Variants in ATP2B3 observed in about 807,000 individuals in gnomAD.
ATP2B3 encodes the protein ATPase plasma membrane Ca2+ transporting 3.
In ATP2B3, 12 loss-of-function variants were observed where a neutral mutation model predicts 70.8. The ratio of observed to expected loss-of-function variants is 0.17; its 90% CI spans 0.11 to 0.27. ATP2B3 has a LOEUF of 0.27. ATP2B3 is among the 10% of genes least tolerant of loss of function. ATP2B3 has a pLI of 1.00. For synonymous variants in ATP2B3, 460 were observed against 497.8 expected (o/e 0.92, Z 1.01); for missense variants, 858 against 1,118.5 (o/e 0.77, Z 3.32).
intron 7 of ATP2B3, among the ~76,000 whole-genome samples, chrX:153,545,421 A>G (rs1410662128): frequency 8.8e-6 from 1 of 113,048 alleles, no homozygotes; most frequent in African/African-American, 3.2e-5. Flanking sequence ...CTGTAATCCC[A>G]ACACTTTGAG....
intron 16 of ATP2B3, 141 bp downstream of exon 16, chrX:153,557,164 T>C (rs1221318162): frequency 3.3e-6 from 2 of 602,698 alleles, no homozygotes; most frequent in Non-Finnish European, 5.2e-6. Context: ...TTTCACATCC[T>C]GGCCACTTGG....
At chrX:153,558,690 G>A (rs2090579220) in intron 17 of ATP2B3, among the ~76,000 whole-genome samples, 3 of 112,276 alleles carry the variant, frequency 2.7e-5, no homozygotes, top group African/African-American at 9.7e-5. Flanking sequence ...GTGGCCTCTT[G>A]TGTCTGGCAT....
chrX:153,551,182 C>T (rs1355740358), intron 12 of ATP2B3, among the ~76,000 whole-genome samples: 3 of 112,436 alleles, frequency 2.7e-5, no homozygotes, highest in Admixed American at 9.4e-5. Context: ...TTCCCACCAG[C>T]GACATAGGAG....
chrX:153,526,954 G>A (rs1394226618), intron 2 of ATP2B3, among the ~76,000 whole-genome samples: 1 of 112,027 alleles, frequency 8.9e-6, no homozygotes, highest in Non-Finnish European at 1.9e-5. Flanking sequence ...TTCCTAATGG[G>A]GCCCCATGGG....
intron 3 of ATP2B3, among the ~76,000 whole-genome samples, chrX:153,540,017 T>C (rs1397389728): frequency 2.7e-5 from 3 of 112,646 alleles, no homozygotes; most frequent in Admixed American, 9.3e-5. Flanking sequence ...CAAGTCGCCA[T>C]GTAGACAAGC....
intron 2 of ATP2B3, among the ~76,000 whole-genome samples, chrX:153,532,442 G>A (rs1190299888): frequency 8.9e-6 from 1 of 112,343 alleles, no homozygotes; most frequent in East Asian, 2.8e-4. Flanking sequence ...CACTGGGTGG[G>A]GAGTAGGCAC....
chrX:153,579,325 A>G (rs918681301), intron 21 of ATP2B3, among the ~76,000 whole-genome samples: 7 of 112,394 alleles, frequency 6.2e-5, no homozygotes, highest in Non-Finnish European at 9.4e-5. Flanking sequence ...TGGCCAGTGG[A>G]GTTAGCCGCA....
chrX:153,533,476 A>T (rs2090146815), intron 2 of ATP2B3, among the ~76,000 whole-genome samples: 1 of 110,729 alleles, frequency 9.0e-6, no homozygotes, highest in Non-Finnish European at 1.9e-5. Context: ...CTCAGAAGGA[A>T]TCTGGCCTTT....
At chrX:153,577,705 G>A (rs188840434) in intron 21 of ATP2B3, among the ~76,000 whole-genome samples, 2,089 of 112,479 alleles carry the variant, frequency 0.019, 25 homozygotes, top group South Asian at 0.042. Flanking sequence ...TGGCTTTCCC[G>A]AATGCAGAGA....
At chrX:153,568,945 A>G (rs1840204344) in intron 21 of ATP2B3, among the ~76,000 whole-genome samples, 1 of 112,931 alleles carries the variant, frequency 8.9e-6, no homozygotes, top group African/African-American at 3.2e-5. Context: ...GGAAATCCAA[A>G]GACACTGGGT....
intron 2 of ATP2B3, among the ~76,000 whole-genome samples, chrX:153,520,278 G>A (rs782282792): frequency 3.5e-5 from 4 of 112,796 alleles, no homozygotes; most frequent in Admixed American, 9.3e-5. Context: ...TTGCCTGCCC[G>A]GTAGACAGGA....
intron 2 of ATP2B3, among the ~76,000 whole-genome samples, chrX:153,524,238 C>CTG (rs10701340): frequency 0.064 from 6,757 of 106,136 alleles, 240 homozygotes; most frequent in African/African-American, 0.11. Context: ...GTGTGTGTGT[C>CTG]TGTGTGTGTG....
At chrX:153,558,342 T>C in intron 17 of ATP2B3, 39 bp downstream of exon 17, 1 of 1,149,180 alleles carries the variant, frequency 8.7e-7, no homozygotes, top group South Asian at 2.0e-5. Context: ...CTAGGACACC[T>C]GGGCTCAGGC....
At chrX:153,567,801 G>C (rs782792399) in intron 21 of ATP2B3, among the ~76,000 whole-genome samples, 4 of 112,215 alleles carry the variant, frequency 3.6e-5, no homozygotes, top group East Asian at 2.8e-4. Context: ...TCTTCCACGG[G>C]CTCCTGACCC....
intron 13 of ATP2B3, among the ~76,000 whole-genome samples, chrX:153,554,104 G>A (rs1359849583): frequency 3.5e-5 from 4 of 113,880 alleles, no homozygotes; most frequent in African/African-American, 1.3e-4. Flanking sequence ...GCGTCTAAAC[G>A]CCAGCCATGG....
chrX:153,577,263 G>T (rs1295490311), intron 21 of ATP2B3, among the ~76,000 whole-genome samples: 1 of 112,970 alleles, frequency 8.9e-6, no homozygotes, highest in African/African-American at 3.2e-5. Context: ...GGAAGGAAGG[G>T]CTGGCTCCGT....
intron 19 of ATP2B3, among the ~76,000 whole-genome samples, chrX:153,561,852 C>G (rs1318262445): frequency 1.8e-5 from 2 of 112,765 alleles, no homozygotes; most frequent in Non-Finnish European, 3.8e-5. Context: ...CCAGCGTGCC[C>G]GCAGGGTGGG....
intron 7 of ATP2B3, among the ~76,000 whole-genome samples, chrX:153,543,941 T>G (rs1444073607): frequency 4.8e-5 from 3 of 63,113 alleles, no homozygotes; most frequent in South Asian, 1.0e-3. Context: ...GTGCGCGGGG[T>G]GTGGGGGCGT....
intron 6 of ATP2B3, among the ~76,000 whole-genome samples, 180 bp from the exon 7 acceptor site, chrX:153,542,863 T>G (rs1241282463): frequency 3.5e-5 from 4 of 113,211 alleles, no homozygotes; most frequent in Non-Finnish European, 7.5e-5. Context: ...CTGGAGGCCC[T>G]AGGTGGGCCC....
Sources: allele counts gnomAD v4.1 joint callset (sites outside exome capture counted in the v4.1 genomes callset), GRCh38; gene constraint gnomAD v4.1.1; transcripts MANE v1.5; gene names NCBI Gene and HGNC (gene_info 2026-07-23, HGNC 2026-07-21).